CC2D1A: variants seen among roughly 807,000 people sequenced by gnomAD.
The protein encoded by CC2D1A is coiled-coil and C2 domain containing 1A.
A neutral mutation model predicts 123.8 loss-of-function variants in CC2D1A; 68 were observed. That is an observed-to-expected ratio of 0.55 (90% CI 0.45 to 0.67). CC2D1A has a LOEUF of 0.67. Ranked by LOEUF, CC2D1A falls within the 30% of genes least tolerant of loss-of-function variation. The pLI, the probability that CC2D1A is intolerant of heterozygous loss-of-function variation, is 0.00. For synonymous variants in CC2D1A, 477 were observed against 528.0 expected (o/e 0.90, Z 1.32); for missense variants, 1,185 against 1,290.3 (o/e 0.92, Z 1.25).
chr19:13,926,019 T>TATATATATAC (rs1178567960), intron 17 of CC2D1A, among the ~76,000 whole-genome samples: 5 of 102,096 alleles, frequency 4.9e-5, no homozygotes, highest in Non-Finnish European at 6.9e-5. Flanking sequence ...TATATACGTA[T>TATATATATAC]ATATATGTGT....
intron 2 of CC2D1A, 138 bp from the exon 3 acceptor site, chr19:13,912,185 C>T: frequency 1.0e-6 from 1 of 990,912 alleles, no homozygotes; most frequent in African/African-American, 1.6e-5. Context: ...GTAGCCAGGC[C>T]CCAGACCTGA....
Position 13,929,364 on chromosome 19 carries a change from T to TC in CC2D1A, c.2520-13dup, listed in dbSNP as rs759379193. ...GGGAATCTCTGCAGTCCCTTATCCTTCCTCCACCCCTTAGATCAGCCCGGC... is the reference window on the plus strand; with the variant it reads ...GGGAATCTCTGCAGTCCCTTATCCTTCCCTCCACCCCTTAGATCAGCCCGGC... On this transcript the variant is annotated splice_polypyrimidine_tract_variant and intron_variant, in intron 24 of 28. Coordinates refer to ENST00000318003, the MANE Select transcript of CC2D1A (RefSeq NM_017721.5). The TC allele has an allele frequency of 6.2e-7, 1 of 1,613,258 alleles. No homozygotes were observed. The highest frequency in any genetic ancestry group is 8.5e-7 in the Non-Finnish European group (1 of 1,179,802).
intron 10 of CC2D1A, 40 bp downstream of exon 10, chr19:13,919,082 G>A (rs749958194): frequency 6.2e-7 from 1 of 1,602,708 alleles, no homozygotes; most frequent in Admixed American, 1.7e-5. Flanking sequence ...CGAGTGGGCA[G>A]CCCGGGAGCC....
chr19:13,926,529 C>A lies in CC2D1A; in HGVS notation c.1953C>A (p.Asp651Glu). The change falls in exon 18 of 29, where the codon GAC becomes GAA. Residue 651 changes from aspartate (D) to glutamate (E), a missense_variant. Transcript: ENST00000318003. ...GCCCACCCGGAAGGATCTTCCCTGA[C>A]CTCAGCAGCAACGACATGCTCCTCT... Reference protein sequence around the residue: ...RTFSVIKIFPDLSSNDMLLFI... With the variant: ...RTFSVIKIFPELSSNDMLLFI... 6.2e-7 allele frequency: 1 copy of A among 1,614,090 alleles called. No homozygotes were observed. Among genetic ancestry groups the A allele is most frequent in the Non-Finnish European group, 8.5e-7 (1 of 1,179,996 alleles).
chr19:13,930,297 G>A lies in CC2D1A; in HGVS notation c.2835+8G>A. The A allele has an allele frequency of 1.9e-6, 3 of 1,613,954 alleles. No individual in the cohort carries two copies. The highest frequency in any genetic ancestry group is 2.5e-6 in the Non-Finnish European group (3 of 1,179,894). On this transcript the variant is annotated splice_region_variant and intron_variant, in intron 28 of 28. Transcript: ENST00000318003. This position sits in a 1 kb window ranked among gnomAD's most constrained non-coding sequence, Gnocchi z 6.8. ...AATCTGGTAGAGAGTGAGGTAAGCA[G>A]CTTAGGAGATGGGGTGGTTGGGGGA...
At chr19:13,926,045 C>CGTATATATATGTATATATATATATAT (rs1568419032) in intron 17 of CC2D1A, among the ~76,000 whole-genome samples, 4 of 108,180 alleles carry the variant, frequency 3.7e-5, no homozygotes, top group South Asian at 5.3e-4. Flanking sequence ...TATATATATA[C>CGTATATATATGTATATATATATATAT]ACGTATATAT....
Position 13,920,682 on chromosome 19 carries a change from C to A in CC2D1A, c.1468+14C>A, listed in dbSNP as rs773080589. 22 of 1,606,536 alleles carry A rather than the reference C, an allele frequency of 1.4e-5. No individual in the cohort carries two copies. The African/African-American group carries it at 2.4e-4, about 18-fold the overall frequency. On this transcript the variant is annotated intron_variant, in intron 13 of 28. Transcript: ENST00000318003. Reference sequence around the variant, plus strand: ...CATCCACCAGAGGTAAGTTCCCCCTCCCCGCCCCAGCTGCCTGTTGCCTGG... The same window carrying A: ...CATCCACCAGAGGTAAGTTCCCCCTACCCGCCCCAGCTGCCTGTTGCCTGG...
rs575959496 is a variant in CC2D1A, at chr19:13,920,686, G to A, written c.1468+18G>A. ...CACCAGAGGTAAGTTCCCCCTCCCCGCCCCAGCTGCCTGTTGCCTGGCTGT... is the reference window on the plus strand; with the variant it reads ...CACCAGAGGTAAGTTCCCCCTCCCCACCCCAGCTGCCTGTTGCCTGGCTGT... On this transcript the variant is annotated intron_variant, in intron 13 of 28. Transcript: ENST00000318003. The A allele has an allele frequency of 3.2e-5, 51 of 1,604,724 alleles. No individual in the cohort carries two copies. Among genetic ancestry groups the A allele is most frequent in the Middle Eastern group, 1.7e-4 (1 of 6,060 alleles).
intron 22 of CC2D1A, 131 bp from the exon 23 acceptor site, chr19:13,927,762 A>G: frequency 5.2e-6 from 5 of 961,756 alleles, no homozygotes; most frequent in Non-Finnish European, 7.8e-6. Flanking sequence ...AGCCTGGACA[A>G]CAGAGCGAGA....
intron 24 of CC2D1A, 105 bp downstream of exon 24, chr19:13,928,293 G>A: frequency 1.0e-6 from 1 of 965,022 alleles, no homozygotes; most frequent in Non-Finnish European, 1.6e-6. Context: ...TCCCTCTCCT[G>A]CTGCAAAACC....
At position 13,930,306 on chromosome 19, in the gene CC2D1A, A is replaced by G; in HGVS notation, c.2835+17A>G. 1.9e-6 allele frequency: 3 copies of G among 1,613,764 alleles called. No homozygotes were observed. Among genetic ancestry groups the G allele is most frequent in the Non-Finnish European group, 2.5e-6 (3 of 1,179,814 alleles). On this transcript the variant is annotated intron_variant, in intron 28 of 28. Transcript: ENST00000318003. This position sits in a 1 kb window ranked among gnomAD's most constrained non-coding sequence, Gnocchi z 6.8. ...GAGAGTGAGGTAAGCAGCTTAGGAGATGGGGTGGTTGGGGGATCACTGTGG... is the reference window on the plus strand; with the variant it reads ...GAGAGTGAGGTAAGCAGCTTAGGAGGTGGGGTGGTTGGGGGATCACTGTGG...
Position 13,910,030 on chromosome 19 carries a change from A to G in CC2D1A, c.196+72A>G. 10 of 1,402,714 alleles carry G rather than the reference A, an allele frequency of 7.1e-6. 1 individual carries two copies. In the South Asian group the frequency reaches 1.6e-4, roughly 22 times the overall value. 86.9% of individuals were successfully genotyped at this position (1,402,714 alleles called of 1,614,324 possible). A position where few individuals can be genotyped will look rare whatever the true frequency, so the allele number is the denominator to read the frequency against. The stretch of plus-strand genomic sequence containing the variant: ...GTGGTTCGGGCGCAGAACTGGGGGC[A>G]CTGGGTAGGTAGGGGAAAGAAGACA... On this transcript the variant is annotated intron_variant, in intron 2 of 28. Transcript: ENST00000318003.
At chr19:13,927,759 A>G (rs1209864482) in intron 22 of CC2D1A, 134 bp from the exon 23 acceptor site, 20 of 939,014 alleles carry the variant, frequency 2.1e-5, no homozygotes, top group African/African-American at 4.9e-5. Flanking sequence ...TCCAGCCTGG[A>G]CAACAGAGCG....
rs754893793 is a variant in CC2D1A at position 13,923,376 on chromosome 19, A to G, written c.1685A>G (p.Gln562Arg). 1.9e-6 allele frequency: 3 copies of G among 1,612,188 alleles called. No individual in the cohort carries two copies. Among genetic ancestry groups the G allele is most frequent in the Non-Finnish European group, 2.5e-6 (3 of 1,179,994 alleles). ...PVNKDDFALV[Q>R]RPGPGLSQEA... ...AACAAGGACGACTTTGCCCTGGTCC[A>G]GCGGCCTGGCCCGGGTCTGTCTCAG... Residue 562 changes from glutamine (Q) to arginine (R), a missense_variant, in exon 15 of 29, where the codon CAG (glutamine) becomes CGG (arginine). Gln to Arg is a conservative substitution (Grantham distance 43). Coordinates refer to ENST00000318003, the MANE Select transcript of CC2D1A (RefSeq NM_017721.5). The surrounding 1 kb of genome is among the most constrained non-coding windows in gnomAD (Gnocchi z 5.3).
In CC2D1A at chr19:13,906,725, C is replaced by T. The variant is rs1457451758; in HGVS notation, c.60+224C>T. On this transcript the variant is annotated intron_variant, in intron 1 of 28. Transcript: ENST00000318003. The surrounding 1 kb of genome is among the most constrained non-coding windows in gnomAD (Gnocchi z 4.1). The stretch of plus-strand genomic sequence containing the variant: ...CCGGGTTCGGGGCCACCTGTTGCCA[C>T]AGCTGCTCCAGTCGAGGAGGGGCAG... Among the ~76,000 whole-genome samples the T allele has an allele frequency of 2.0e-5, 3 of 152,236 alleles. No homozygotes were observed. The highest frequency in any genetic ancestry group is 4.4e-5 in the Non-Finnish European group (3 of 68,044).
chr19:13,915,629 A>C (rs896782076), intron 6 of CC2D1A, among the ~76,000 whole-genome samples: 17 of 151,960 alleles, frequency 1.1e-4, no homozygotes, highest in Non-Finnish European at 4.4e-5. Flanking sequence ...CAGGAGTTCA[A>C]GAGCAGTCTA....
chr19:13,930,082 C>T lies in CC2D1A; in HGVS notation c.2715C>T (p.Tyr905=), dbSNP rs752793519. 116 of 1,612,744 alleles carry T rather than the reference C, an allele frequency of 7.2e-5. 1 individual carries two copies. The highest frequency in any genetic ancestry group is 2.2e-4 in the East Asian group (10 of 44,864). ...EQGGVGIRRE[Y]AAQLERQLQF... ...TCCCCCGCCATCCATTCTCAGAATA[C>T]GCAGCCCAGCTGGAGCGGCAGCTGC... Residue 905 remains tyrosine, a synonymous_variant, in exon 27 of 29, where the codon TAC becomes TAT. Transcript: ENST00000318003. The surrounding 1 kb of genome is among the most constrained non-coding windows in gnomAD (Gnocchi z 6.8).
At chr19:13,915,307 G>A (rs925778288) in intron 6 of CC2D1A, among the ~76,000 whole-genome samples, 2 of 152,186 alleles carry the variant, frequency 1.3e-5, no homozygotes, top group South Asian at 2.1e-4. Context: ...GTGCGATGGC[G>A]TGATCTCGGC....
In CC2D1A at chr19:13,913,513, GC is replaced by G; in HGVS notation, c.626del (p.Pro209LeufsTer92). The G allele has an allele frequency of 6.2e-7, 1 of 1,614,166 alleles. No homozygotes were observed. The highest frequency in any genetic ancestry group is 8.5e-7 in the Non-Finnish European group (1 of 1,180,040). On this transcript the variant is annotated frameshift_variant, in exon 6 of 29. Transcript: ENST00000318003. LOFTEE classifies it high-confidence loss of function. Reference protein sequence around the residue: ...GKGPASTPTYSPAPTQPAPRI... With the variant: ...GKGPASTPTYXPAPTQPAPRI... ...GGCCCGGCGTCCACGCCTACCTACA[GC>G]CCTGCACCCACCCAGCCGGCCCCTA... is the stretch of plus-strand genomic sequence containing the variant.
Sources: allele counts gnomAD v4.1 joint callset (sites outside exome capture counted in the v4.1 genomes callset), GRCh38; gene constraint gnomAD v4.1.1; non-coding constraint Gnocchi (gnomAD v3.1); transcripts MANE v1.5; gene names NCBI Gene and HGNC (gene_info 2026-07-23, HGNC 2026-07-21).